The following TMEM40 variants were observed in gnomAD, a reference collection of about 807,000 sequenced individuals.
The protein encoded by TMEM40 is transmembrane protein 40.
TMEM40 carries 34 observed loss-of-function variants against 40.8 expected under a neutral mutation model. That is an observed-to-expected ratio of 0.83 (90% CI 0.63 to 1.11). The LOEUF (loss-of-function observed/expected upper bound fraction) is 1.11, where lower values mean the gene tolerates loss of function less well. TMEM40 is among the 50% of genes least tolerant of loss of function. TMEM40 has a pLI of 0.00. For missense variants in TMEM40, 296 were observed against 280.2 expected (o/e 1.06, Z -0.40); for synonymous variants, 106 against 107.0 (o/e 0.99, Z 0.06).
chr3:12,740,586 G>A (rs1384289507), intron 5 of TMEM40, among the ~76,000 whole-genome samples: 10 of 150,162 alleles, frequency 6.7e-5, no homozygotes, highest in African/African-American at 1.2e-4. Flanking sequence ...GGCCAGGTGC[G>A]ATGCTTCACT....
At chr3:12,755,275 C>CTT (rs1270920343) in intron 1 of TMEM40, among the ~76,000 whole-genome samples, 1 of 110,792 alleles carries the variant, frequency 9.0e-6, no homozygotes, top group East Asian at 2.4e-4. Context: ...TTCTTTCTTT[C>CTT]TTTCTTTCTT....
chr3:12,740,187 G>A (rs911136840), intron 5 of TMEM40, among the ~76,000 whole-genome samples: 45 of 150,982 alleles, frequency 3.0e-4, no homozygotes, highest in African/African-American at 1.0e-3. Context: ...TCTGCCTCCC[G>A]GGTTCAAGCA....
chr3:12,759,018 C>A (rs1398069677), intron 1 of TMEM40, among the ~76,000 whole-genome samples, 173 bp downstream of exon 1: 4 of 152,138 alleles, frequency 2.6e-5, no homozygotes, highest in Non-Finnish European at 4.4e-5. Flanking sequence ...TTGTCATCCT[C>A]CCCTGAAGTA....
chr3:12,751,430 A>C (rs1393553453), intron 1 of TMEM40, among the ~76,000 whole-genome samples: 2 of 151,312 alleles, frequency 1.3e-5, no homozygotes, highest in African/African-American at 4.9e-5. Flanking sequence ...TACAGGCGCC[A>C]CACCATGCTT....
intron 3 of TMEM40, among the ~76,000 whole-genome samples, chr3:12,747,904 C>A: frequency 1.1e-5 from 1 of 92,116 alleles, no homozygotes; most frequent in African/African-American, 5.1e-5. Flanking sequence ...GAGCAAGATT[C>A]TGTCTCAAAA....
upstream of TMEM40, among the ~76,000 whole-genome samples, chr3:12,760,991 GC>G (rs1309289007): frequency 1.3e-5 from 2 of 152,222 alleles, no homozygotes; most frequent in African/African-American, 4.8e-5. Flanking sequence ...TCCGGCCTTG[GC>G]CCCCTAAAGC....
chr3:12,746,308 G>C (rs908637896), intron 3 of TMEM40, among the ~76,000 whole-genome samples: 2 of 152,184 alleles, frequency 1.3e-5, no homozygotes, highest in African/African-American at 4.8e-5. Context: ...TTGGTGCTCA[G>C]TAAATATTTG....
chr3:12,754,313 A>AAAC (rs60803748), intron 1 of TMEM40, among the ~76,000 whole-genome samples: 9,297 of 151,920 alleles, frequency 0.061, 315 homozygotes, highest in African/African-American at 0.074. Context: ...TTCCGTCTCA[A>AAAC]AACAACAACA....
intron 4 of TMEM40, among the ~76,000 whole-genome samples, chr3:12,743,625 T>A (rs2061400076): frequency 6.6e-6 from 1 of 152,206 alleles, no homozygotes; most frequent in South Asian, 2.1e-4. Flanking sequence ...CTAGTCTTGA[T>A]TATAACCATA....
At chr3:12,758,635 G>A (rs1418236831) in intron 1 of TMEM40, among the ~76,000 whole-genome samples, 2 of 152,184 alleles carry the variant, frequency 1.3e-5, no homozygotes, top group African/African-American at 2.4e-5. Context: ...CCTTTGAGCT[G>A]GAGGCAGAGG....
At chr3:12,735,847 T>C (rs2106604257) in intron 10 of TMEM40, among the ~76,000 whole-genome samples, 1 of 152,334 alleles carries the variant, frequency 6.6e-6, no homozygotes, top group Middle Eastern at 3.4e-3. Context: ...CCCAACTCCA[T>C]TAACTAACTT....
chr3:12,756,858 ACTCT>A (rs942153306), intron 1 of TMEM40, among the ~76,000 whole-genome samples: 2 of 150,778 alleles, frequency 1.3e-5, no homozygotes, highest in African/African-American at 4.9e-5. Flanking sequence ...ACATATACAC[ACTCT>A]CTCTCTCACA....
At position 12,756,545 on chromosome 3, in the gene TMEM40, T is replaced by C. The variant is rs186972442; in HGVS notation, c.-9+2646A>G. Among the ~76,000 whole-genome samples, 642 of 152,278 alleles carry C rather than the reference T, an allele frequency of 4.2e-3. 4 individuals carry two copies. Among genetic ancestry groups the C allele is most frequent in the African/African-American group, 0.015 (620 of 41,552 alleles). On this transcript the variant is annotated intron_variant, in intron 1 of 11. Transcript: ENST00000314124. ...GGGGAGTTTGCCTTCCATAAAACTTTTTTGAGGCTCCACTGACACATTTGA... is the reference window on the plus strand; with the variant it reads ...GGGGAGTTTGCCTTCCATAAAACTTCTTTGAGGCTCCACTGACACATTTGA...
rs143263158 is a variant in TMEM40 at position 12,734,462 on chromosome 3, C to T, written c.*312G>A. 517 of 388,238 alleles carry T rather than the reference C, an allele frequency of 1.3e-3. 1 individual carries two copies. The highest frequency in any genetic ancestry group is 9.5e-3 in the African/African-American group (467 of 49,270). The allele number at this position is 388,238 out of a possible 1,614,324, so 24.0% of individuals were successfully genotyped here. A position where few individuals can be genotyped will look rare whatever the true frequency, so the allele number is the denominator to read the frequency against. On this transcript the variant is annotated 3_prime_UTR_variant, in exon 12 of 12. Transcript: ENST00000314124. ...ATCACAGCTTGCAGAGCTCAGGGTC[C>T]CTTGCTGTCCTCTGAGAGCAGTGAC...
rs778717441 is a variant in TMEM40 at position 12,742,434 on chromosome 3, G to C, written c.355+20C>G. On this transcript the variant is annotated intron_variant, in intron 5 of 11. Coordinates refer to ENST00000314124, the MANE Select transcript of TMEM40 (RefSeq NM_018306.4). ...CCTTCGTCTAATTGTTTTCTCCAAA[G>C]CTACTGGGCAACTGATTACCTCCAT... is the stretch of plus-strand genomic sequence containing the variant. The C allele has an allele frequency of 6.2e-7, 1 of 1,612,146 alleles. No homozygotes were observed. The highest frequency in any genetic ancestry group is 8.5e-7 in the Non-Finnish European group (1 of 1,178,522).
Position 12,742,497 on chromosome 3 carries a change from A to G in TMEM40, c.312T>C (p.His104=), listed in dbSNP as rs779680125. ...PHGNGSPGPG[H]GEPDVLKDEL... ...CATCCTTCAAAACGTCAGGCTCCCC[A>G]TGCCCAGGACCTGGATGGAGACAAA... Residue 104 remains histidine (H), a synonymous_variant, in exon 5 of 12, where the codon CAT becomes CAC. Transcript: ENST00000314124. The G allele has an allele frequency of 2.3e-5, 37 of 1,613,896 alleles. No homozygotes were observed. The highest frequency in any genetic ancestry group is 5.0e-5 in the Admixed American group (3 of 59,982).
Position 12,744,441 on chromosome 3 carries a change from C to A in TMEM40, c.212-452G>T, listed in dbSNP as rs113075974. On this transcript the variant is annotated intron_variant, in intron 3 of 11. Coordinates refer to ENST00000314124, the MANE Select transcript of TMEM40 (RefSeq NM_018306.4). ...GAAGCTTAAGCTGATGTCACACCTC[C>A]TGTAGAAAGCCTTTGCCAACTGCCC... Among the ~76,000 whole-genome samples, 365 of 152,290 alleles carry A rather than the reference C, an allele frequency of 2.4e-3. 3 individuals are homozygous for A. The highest frequency in any genetic ancestry group is 8.3e-3 in the African/African-American group (344 of 41,566).
intron 5 of TMEM40, among the ~76,000 whole-genome samples, chr3:12,739,854 C>T (rs950358084): frequency 2.6e-5 from 4 of 151,396 alleles, no homozygotes; most frequent in African/African-American, 9.7e-5. Context: ...GACAGGTTCT[C>T]TCTCTGTCAT....
intron 6 of TMEM40, 99 bp downstream of exon 6, chr3:12,738,452 CAG>C: frequency 7.4e-7 from 1 of 1,360,428 alleles, no homozygotes. Flanking sequence ...TTCTCAGAGC[CAG>C]GTATCCCAAC....
Sources: gnomAD v4.1 joint callset for allele counts (sites outside exome capture counted in the v4.1 genomes callset) on GRCh38, gnomAD v4.1.1 for gene constraint, MANE v1.5 for transcripts, NCBI Gene and HGNC (gene_info 2026-07-23, HGNC 2026-07-21) for gene names.